Variants in FSTL5 observed in about 807,000 individuals in gnomAD.
FSTL5 encodes follistatin-related protein 5.
Under a neutral mutation model 89.1 loss-of-function variants are expected in FSTL5, and 62 were observed. That is an observed-to-expected ratio of 0.70 (90% CI 0.57 to 0.86). The LOEUF (loss-of-function observed/expected upper bound fraction) is 0.86, where lower values mean the gene tolerates loss of function less well. FSTL5 is among the 40% of genes least tolerant of loss of function. FSTL5 has a pLI of 0.00. For missense variants in FSTL5, 1,057 were observed against 1,001.6 expected (o/e 1.06, Z -0.75); for synonymous variants, 383 against 346.2 (o/e 1.11, Z -1.18).
intron 2 of FSTL5, among the ~76,000 whole-genome samples, chr4:162,085,308 C>A (rs1191812028): frequency 6.6e-6 from 1 of 151,802 alleles, no homozygotes; most frequent in East Asian, 1.9e-4. Context: ...AGATAATATT[C>A]CCACAGTGAA....
At chr4:161,426,890 C>T (rs1339128157) in intron 15 of FSTL5, among the ~76,000 whole-genome samples, 4 of 152,144 alleles carry the variant, frequency 2.6e-5, no homozygotes, top group Admixed American at 2.6e-4. Context: ...CTAAAATACA[C>T]ATATTTTTTA....
chr4:161,563,413 T>TA (rs1732675268), intron 8 of FSTL5, among the ~76,000 whole-genome samples: 1 of 151,948 alleles, frequency 6.6e-6, no homozygotes, highest in Non-Finnish European at 1.5e-5. Context: ...CATTTCCACT[T>TA]ATAGTGAATA....
chr4:161,695,480 C>CATATAT (rs58447642), intron 6 of FSTL5, among the ~76,000 whole-genome samples: 6 of 145,162 alleles, frequency 4.1e-5, no homozygotes, highest in South Asian at 2.2e-4. Context: ...AGACATATAT[C>CATATAT]ATATATATAT....
intron 4 of FSTL5, among the ~76,000 whole-genome samples, chr4:161,869,997 AAAG>A (rs1732212202): frequency 6.6e-6 from 1 of 152,198 alleles, no homozygotes. Context: ...ACTGAAGAAA[AAAG>A]TCTGTAGCTC....
At chr4:161,974,275 A>C (rs1472502521) in intron 3 of FSTL5, among the ~76,000 whole-genome samples, 1 of 152,196 alleles carries the variant, frequency 6.6e-6, no homozygotes, top group East Asian at 1.9e-4. Flanking sequence ...GTTCACATGG[A>C]ACCAAAAAAG....
chr4:161,572,633 A>G (rs1224454680), intron 8 of FSTL5, among the ~76,000 whole-genome samples: 1 of 152,208 alleles, frequency 6.6e-6, no homozygotes, highest in Non-Finnish European at 1.5e-5. Flanking sequence ...TAAACTTTCT[A>G]GAAAATTTTT....
intron 1 of FSTL5, among the ~76,000 whole-genome samples, chr4:162,127,050 A>G (rs1285482872): frequency 6.6e-6 from 1 of 152,080 alleles, no homozygotes; most frequent in Non-Finnish European, 1.5e-5. Context: ...AAGCCGCACC[A>G]TTGACCAGCC....
chr4:161,922,812 T>C (rs148979586), intron 3 of FSTL5, among the ~76,000 whole-genome samples: 1 of 126,318 alleles, frequency 7.9e-6, no homozygotes, highest in Non-Finnish European at 1.7e-5. Flanking sequence ...GGAAAAGAAA[T>C]TTAAAAATGA....
intron 6 of FSTL5, among the ~76,000 whole-genome samples, chr4:161,694,552 G>T (rs1738069977): frequency 6.6e-6 from 1 of 151,774 alleles, no homozygotes. Flanking sequence ...TAAGCTCTTT[G>T]AAAATATTTA....
chr4:161,978,859 C>T (rs1735737653), intron 3 of FSTL5, among the ~76,000 whole-genome samples: 2 of 152,080 alleles, frequency 1.3e-5, no homozygotes, highest in Non-Finnish European at 2.9e-5. Flanking sequence ...ATTATTGCCT[C>T]ATATCAGGAG....
At chr4:161,879,799 G>A (rs1732567179) in intron 4 of FSTL5, among the ~76,000 whole-genome samples, 1 of 151,880 alleles carries the variant, frequency 6.6e-6, no homozygotes, top group Admixed American at 6.6e-5. Flanking sequence ...TCCAACCCTG[G>A]GACACTTCCC....
chr4:161,992,569 G>A (rs1266648810), intron 3 of FSTL5, among the ~76,000 whole-genome samples: 1 of 151,782 alleles, frequency 6.6e-6, no homozygotes, highest in Non-Finnish European at 1.5e-5. Flanking sequence ...GAAGCAGGGC[G>A]CGGTGGTTCA....
intron 3 of FSTL5, among the ~76,000 whole-genome samples, chr4:161,996,196 AGT>A (rs1736289084): frequency 6.6e-6 from 1 of 152,216 alleles, no homozygotes; most frequent in Non-Finnish European, 1.5e-5. Flanking sequence ...AATTGCCCAA[AGT>A]AATCTATTCT....
At chr4:161,455,618 A>T (rs1383282366) in intron 14 of FSTL5, among the ~76,000 whole-genome samples, 1 of 152,186 alleles carries the variant, frequency 6.6e-6, no homozygotes, top group Non-Finnish European at 1.5e-5. Context: ...ATCATTGAAA[A>T]ATAACCGGTT....
In FSTL5 at chr4:161,647,714, C is replaced by T. The variant is rs552590075; in HGVS notation, c.894+8614G>A. ...AAAAGCATGGTCCCTTTAAATGATG[C>T]GGAAAGGGGGAAGGGAAGCGCTGGG... On this transcript the variant is annotated intron_variant, in intron 7 of 15. Coordinates refer to ENST00000306100, the MANE Select transcript of FSTL5 (RefSeq NM_020116.5). Among the ~76,000 whole-genome samples, 29 of 152,040 alleles carry T rather than the reference C, an allele frequency of 1.9e-4. No individual in the cohort carries two copies. The South Asian group carries it at 5.8e-3, about 30-fold the overall frequency.
At chr4:161,477,840 G>C (rs1031470860) in intron 13 of FSTL5, among the ~76,000 whole-genome samples, 4 of 151,886 alleles carry the variant, frequency 2.6e-5, no homozygotes, top group Non-Finnish European at 4.4e-5. Flanking sequence ...CATCAATGTA[G>C]AAATATAGAA....
chr4:161,698,498 C>T (rs1738265218), intron 6 of FSTL5, among the ~76,000 whole-genome samples: 2 of 152,122 alleles, frequency 1.3e-5, no homozygotes, highest in South Asian at 4.1e-4. Flanking sequence ...TTGAAAAATG[C>T]TGAGTGAGTT....
At position 161,584,751 on chromosome 4, in the gene FSTL5, T is replaced by C. The variant is rs144424475; in HGVS notation, c.1015+2704A>G. 4.0e-3 allele frequency among the ~76,000 whole-genome samples: 603 copies of C among 152,306 alleles called. 3 individuals are homozygous for C. Among genetic ancestry groups the C allele is most frequent in the Middle Eastern group, 0.017 (5 of 294 alleles). On this transcript the variant is annotated intron_variant, in intron 8 of 15. Transcript: ENST00000306100. ...GTACTGAAATCTAGTGCTTAAATTA[T>C]ACTCCTCATCTTGTTTGCCTTCTCA...
At position 161,428,244 on chromosome 4, in the gene FSTL5, C is replaced by T. The variant is rs79874490; in HGVS notation, c.1841+26760G>A. On this transcript the variant is annotated intron_variant, in intron 15 of 15. Coordinates refer to ENST00000306100, the MANE Select transcript of FSTL5 (RefSeq NM_020116.5). The stretch of plus-strand genomic sequence containing the variant: ...TGAGTTTCCACAAATCTCACCCCCA[C>T]GGGCTAAAGGGCTCCGGGGTCCTAA... Among the ~76,000 whole-genome samples the T allele has an allele frequency of 3.5e-3, 532 of 152,276 alleles. 13 individuals are homozygous for T. In the East Asian group the frequency reaches 0.054, roughly 15 times the overall value.
Sources: allele counts gnomAD v4.1 joint callset (sites outside exome capture counted in the v4.1 genomes callset), GRCh38; gene constraint gnomAD v4.1.1; transcripts MANE v1.5; gene names NCBI Gene and HGNC (gene_info 2026-07-23, HGNC 2026-07-21).